FBXL17: variants seen among roughly 807,000 people sequenced by gnomAD.
FBXL17 encodes F-box/LRR-repeat protein 17.
FBXL17 carries 22 observed loss-of-function variants against 66.2 expected under a neutral mutation model. The observed-to-expected ratio is 0.33, with a 90% confidence interval of 0.24 to 0.47. The LOEUF is 0.47. Among genes scored for constraint, FBXL17 ranks in the 20% least tolerant of loss-of-function variants. The pLI is 1.00. For synonymous variants in FBXL17, 474 were observed against 400.5 expected (o/e 1.18, Z -2.19); for missense variants, 878 against 948.2 (o/e 0.93, Z 0.97).
intron 6 of FBXL17, among the ~76,000 whole-genome samples, chr5:108,068,704 G>A (rs1262073128): frequency 1.3e-5 from 2 of 152,006 alleles, no homozygotes; most frequent in Admixed American, 6.6e-5. Context: ...TGATCCACCC[G>A]CCTCAGCCTC....
At chr5:107,935,806 T>C (rs936012189) in intron 7 of FBXL17, among the ~76,000 whole-genome samples, 8 of 151,992 alleles carry the variant, frequency 5.3e-5, no homozygotes, top group Admixed American at 1.3e-4. Context: ...CATAGATCAG[T>C]TGGAACATGG....
intron 4 of FBXL17, among the ~76,000 whole-genome samples, chr5:108,324,473 T>G (rs150696043): frequency 1.2e-3 from 188 of 152,158 alleles, no homozygotes; most frequent in African/African-American, 4.5e-3. Context: ...TTAGAATCCT[T>G]GGGCACTGTT....
intron 4 of FBXL17, among the ~76,000 whole-genome samples, chr5:108,238,263 T>G (rs758233879): frequency 3.9e-5 from 6 of 152,230 alleles, no homozygotes; most frequent in Admixed American, 6.5e-5. Flanking sequence ...CTAGTAAATT[T>G]TTAAAAGAAA....
chr5:108,243,279 C>G (rs543685560), intron 4 of FBXL17, among the ~76,000 whole-genome samples: 21 of 152,286 alleles, frequency 1.4e-4, no homozygotes, highest in African/African-American at 5.1e-4. Context: ...GACCAAATTT[C>G]TTTGACTAAT....
At chr5:108,271,633 AC>A (rs1310109141) in intron 4 of FBXL17, among the ~76,000 whole-genome samples, 1 of 152,230 alleles carries the variant, frequency 6.6e-6, no homozygotes, top group Non-Finnish European at 1.5e-5. Context: ...ATACCTGCCA[AC>A]AGATAATAAA....
chr5:108,121,541 T>A (rs1057028449), intron 6 of FBXL17, among the ~76,000 whole-genome samples: 1 of 152,116 alleles, frequency 6.6e-6, no homozygotes, highest in Non-Finnish European at 1.5e-5. Flanking sequence ...ATAAATCTAA[T>A]TGATACAAAA....
intron 4 of FBXL17, among the ~76,000 whole-genome samples, chr5:108,244,111 C>G (rs1012962394): frequency 2.6e-5 from 4 of 152,080 alleles, no homozygotes; most frequent in Non-Finnish European, 5.9e-5. Context: ...AATACCTTTT[C>G]TTCTCCATGC....
chr5:108,176,741 T>C (rs953696925), intron 6 of FBXL17, among the ~76,000 whole-genome samples: 1 of 152,128 alleles, frequency 6.6e-6, no homozygotes, highest in African/African-American at 2.4e-5. Flanking sequence ...AAAATGATAT[T>C]AAATAACTAT....
At chr5:107,884,076 G>C (rs1748882858) in intron 7 of FBXL17, among the ~76,000 whole-genome samples, 1 of 152,160 alleles carries the variant, frequency 6.6e-6, no homozygotes, top group Non-Finnish European at 1.5e-5. Context: ...CACTGGGGTA[G>C]GTATAAGAGA....
chr5:108,353,337 A>C (rs1158976060), intron 3 of FBXL17, among the ~76,000 whole-genome samples: 1 of 152,228 alleles, frequency 6.6e-6, no homozygotes, highest in African/African-American at 2.4e-5. Flanking sequence ...CCAGGGCTAG[A>C]GTAGGAAAAC....
At chr5:108,168,586 C>G (rs974237746) in intron 6 of FBXL17, among the ~76,000 whole-genome samples, 11 of 152,140 alleles carry the variant, frequency 7.2e-5, no homozygotes, top group African/African-American at 2.7e-4. Context: ...GGTGGAATCC[C>G]AGGCAGTTTG....
chr5:107,932,065 G>A (rs1415266797), intron 7 of FBXL17, among the ~76,000 whole-genome samples: 3 of 152,244 alleles, frequency 2.0e-5, no homozygotes, highest in Admixed American at 1.3e-4. Context: ...TTCTGCAGAC[G>A]ATTTGGATGT....
intron 4 of FBXL17, among the ~76,000 whole-genome samples, chr5:108,314,309 G>C (rs1438370229): frequency 1.3e-5 from 2 of 151,560 alleles, no homozygotes; most frequent in Non-Finnish European, 3.0e-5. Flanking sequence ...TCTTCACATT[G>C]TTGGCCAATA....
chr5:107,875,679 A>C (rs929515858), intron 8 of FBXL17, among the ~76,000 whole-genome samples: 6 of 152,234 alleles, frequency 3.9e-5, no homozygotes, highest in African/African-American at 1.4e-4. Flanking sequence ...GAAAACCACG[A>C]TTTCTTATGT....
chr5:108,244,385 C>A (rs1280477948), intron 4 of FBXL17, among the ~76,000 whole-genome samples: 1 of 152,076 alleles, frequency 6.6e-6, no homozygotes, highest in Non-Finnish European at 1.5e-5. Flanking sequence ...AGGTTGCAAT[C>A]CAGCTCCACT....
At chr5:107,962,197 C>T (rs1007079259) in intron 7 of FBXL17, among the ~76,000 whole-genome samples, 11 of 152,192 alleles carry the variant, frequency 7.2e-5, no homozygotes, top group Admixed American at 2.0e-4. Flanking sequence ...TGCCACTGAA[C>T]CGTACGCTTA....
At chr5:107,905,586 A>G (rs73780453) in intron 7 of FBXL17, among the ~76,000 whole-genome samples, 2,358 of 152,282 alleles carry the variant, frequency 0.015, 74 homozygotes, top group African/African-American at 0.054. Context: ...AATACACTCA[A>G]TTACAGACAT....
chr5:108,107,883 A>G (rs914030479), intron 6 of FBXL17, among the ~76,000 whole-genome samples: 13 of 152,158 alleles, frequency 8.5e-5, no homozygotes, highest in African/African-American at 2.9e-4. Flanking sequence ...AAATCTTCCA[A>G]TGGCTTTCCA....
chr5:108,183,197 T>C (rs961732559), intron 6 of FBXL17, among the ~76,000 whole-genome samples: 15 of 151,982 alleles, frequency 9.9e-5, no homozygotes, highest in African/African-American at 3.6e-4. Context: ...TGTGCCACCA[T>C]GCCCAGCTAA....
Sources: gnomAD v4.1 joint callset for allele counts (sites outside exome capture counted in the v4.1 genomes callset) on GRCh38, gnomAD v4.1.1 for gene constraint, MANE v1.5 for transcripts, NCBI Gene and HGNC (gene_info 2026-07-23, HGNC 2026-07-21) for gene names.